Variants in UBL7 observed in about 807,000 individuals in gnomAD.
UBL7 encodes ubiquitin-like protein 7.
In UBL7, 21 loss-of-function variants were observed where a neutral mutation model predicts 41.7. The ratio of observed to expected loss-of-function variants is 0.50; its 90% CI spans 0.36 to 0.73. UBL7 has a LOEUF of 0.73. UBL7 is among the 30% of genes least tolerant of loss of function. The probability of loss-of-function intolerance (pLI) is 0.00; values close to 1 mark genes in which losing one functional copy is unlikely to be tolerated. For synonymous variants in UBL7, 157 were observed against 186.9 expected (o/e 0.84, Z 1.31); for missense variants, 403 against 478.4 (o/e 0.84, Z 1.47).
Position 74,450,081 on chromosome 15 carries a change from G to C in UBL7, c.531-12C>G. ...GAGCAGGCACCAACCTAGGATAGAA[G>C]CAGGAAGAAACCCAAGGGTGACTCC... On this transcript the variant is annotated splice_polypyrimidine_tract_variant and intron_variant, in intron 6 of 10. Coordinates refer to ENST00000395081, the MANE Select transcript of UBL7 (RefSeq NM_032907.5). 6.2e-7 allele frequency: 1 copy of C among 1,608,656 alleles called. No individual in the cohort carries two copies.
rs770815126 is a variant in UBL7, at chr15:74,461,074, G to A, written c.-67C>T. ...ACCAGCTACTTGGCTGACACACATCGAGCCCGCGCTGCCCAGGGCCCCAGC... is the reference window on the plus strand; with the variant it reads ...ACCAGCTACTTGGCTGACACACATCAAGCCCGCGCTGCCCAGGGCCCCAGC... On this transcript the variant is annotated 5_prime_UTR_variant, in exon 1 of 11. Coordinates refer to ENST00000395081, the MANE Select transcript of UBL7 (RefSeq NM_032907.5). 10 of 1,017,806 alleles carry A rather than the reference G, an allele frequency of 9.8e-6. No individual in the cohort carries two copies. The highest frequency in any genetic ancestry group is 1.7e-5 in the African/African-American group (1 of 57,822). The allele number at this position is 1,017,806 out of a possible 1,614,324, so 63.0% of individuals were successfully genotyped here. A position where few individuals can be genotyped will look rare whatever the true frequency, so the allele number is the denominator to read the frequency against.
At chr15:74,453,636 T>TG (rs1303703215) in intron 3 of UBL7, among the ~76,000 whole-genome samples, 1 of 152,204 alleles carries the variant, frequency 6.6e-6, no homozygotes, top group Non-Finnish European at 1.5e-5. Flanking sequence ...GGCTGGAGCT[T>TG]GGGGTACACA....
chr15:74,454,831 T>C (rs2061280321), intron 3 of UBL7, among the ~76,000 whole-genome samples: 1 of 152,152 alleles, frequency 6.6e-6, no homozygotes, highest in South Asian at 2.1e-4. Flanking sequence ...TTAATAACTC[T>C]TACCTAGAAG....
At chr15:74,456,006 A>T (rs941722825) in intron 3 of UBL7, among the ~76,000 whole-genome samples, 1 of 152,098 alleles carries the variant, frequency 6.6e-6, no homozygotes, top group Non-Finnish European at 1.5e-5. Flanking sequence ...GGGCGCCTGT[A>T]GTCCCAGCTA....
chr15:74,450,298 T>C (rs2061231039), intron 6 of UBL7, among the ~76,000 whole-genome samples: 1 of 152,140 alleles, frequency 6.6e-6, no homozygotes, highest in Non-Finnish European at 1.5e-5. Flanking sequence ...CTTCACCCTC[T>C]CCACAGGCAA....
chr15:74,451,479 G>T lies in UBL7; in HGVS notation c.429C>A (p.Ile143=), dbSNP rs781387559. 1 of 1,614,124 alleles carries T rather than the reference G, an allele frequency of 6.2e-7. No individual in the cohort carries two copies. ...MLSNKESLDQ[I]IVATPGLSSD... ...TGCTGAGGCCTGGGGTGGCCACAAT[G>T]ATCTGATCCAGAGACTCCTTATTGC... The change falls in exon 5 of 11, where the codon ATC becomes ATA. Residue 143 remains isoleucine, a synonymous_variant. Transcript: ENST00000395081.
At chr15:74,448,623 TGCCACCCTCAGC>T (rs2061208786) in intron 9 of UBL7, 23 bp from the exon 10 acceptor site, 24 of 1,613,224 alleles carry the variant, frequency 1.5e-5, no homozygotes, top group Non-Finnish European at 2.0e-5. Context: ...TAGTGGTCAG[TGCCACCCTCAGC>T]GCCATCTCAA....
At chr15:74,459,173 C>G (rs534410273) in intron 1 of UBL7, 2 of 313,024 alleles carry the variant, frequency 6.4e-6, no homozygotes, top group Admixed American at 4.6e-5. Flanking sequence ...AACCCTCTCC[C>G]TTCTGTATGC....
intron 10 of UBL7, among the ~76,000 whole-genome samples, chr15:74,447,359 G>A (rs983395557): frequency 6.6e-6 from 1 of 152,208 alleles, no homozygotes; most frequent in African/African-American, 2.4e-5. Context: ...CTACAATGCT[G>A]GCCCCTCAGG....
intron 1 of UBL7, among the ~76,000 whole-genome samples, chr15:74,459,958 A>AAAAAAAAAAAAAAC (rs2061333150): frequency 7.6e-6 from 1 of 131,456 alleles, no homozygotes; most frequent in African/African-American, 3.1e-5. Flanking sequence ...AAAAAAAAAA[A>AAAAAAAAAAAAAAC]AAGCCAGACG....
chr15:74,452,166 T>C, intron 4 of UBL7, 130 bp downstream of exon 4: 2 of 907,658 alleles, frequency 2.2e-6, no homozygotes, highest in Admixed American at 2.4e-5. Context: ...CCCACAGACA[T>C]GGCAAAAACT....
In UBL7 at chr15:74,449,935, C is replaced by T. The variant is rs1365718422; in HGVS notation, c.664+1G>A. ...CCACATTACACTTTTCAGGCGCTCA[C>T]CTGGCATATCCCGGTATGAGCTGGA... On this transcript the variant is annotated splice_donor_variant, in intron 7 of 10. Transcript: ENST00000395081. LOFTEE classifies it high-confidence loss of function. 6.2e-7 allele frequency: 1 copy of T among 1,609,902 alleles called. No homozygotes were observed. The highest frequency in any genetic ancestry group is 1.3e-5 in the African/African-American group (1 of 74,820).
chr15:74,450,910 G>C, intron 5 of UBL7, 51 bp from the exon 6 acceptor site: 1 of 1,600,168 alleles, frequency 6.2e-7, no homozygotes, highest in Non-Finnish European at 8.5e-7. Context: ...CCAGATCCAG[G>C]AGGGAGAAGA....
chr15:74,459,442 G>A (rs987536291), intron 1 of UBL7, among the ~76,000 whole-genome samples: 2 of 151,220 alleles, frequency 1.3e-5, no homozygotes, highest in African/African-American at 4.9e-5. Flanking sequence ...CCAGGTAGCA[G>A]GGACTACAGG....
chr15:74,459,778 C>G (rs1484776494), intron 1 of UBL7, among the ~76,000 whole-genome samples: 1 of 151,486 alleles, frequency 6.6e-6, no homozygotes, highest in African/African-American at 2.4e-5. Context: ...CCAGCCTGGC[C>G]AACATGGTGA....
chr15:74,460,581 A>G, intron 1 of UBL7: 1 of 734,720 alleles, frequency 1.4e-6, no homozygotes, highest in Non-Finnish European at 1.9e-6. Flanking sequence ...AAGGGCTACA[A>G]ATATCTGCTT....
intron 3 of UBL7, among the ~76,000 whole-genome samples, chr15:74,454,361 A>G (rs528283246): frequency 2.6e-4 from 39 of 152,154 alleles, no homozygotes; most frequent in African/African-American, 8.7e-4. Context: ...TGCACACCAC[A>G]GGAAACCGTG....
At chr15:74,451,764 T>C (rs1253191939) in intron 4 of UBL7, among the ~76,000 whole-genome samples, 1 of 151,784 alleles carries the variant, frequency 6.6e-6, no homozygotes, top group Non-Finnish European at 1.5e-5. Flanking sequence ...CTGTGCTCCT[T>C]TTCCCCACCT....
Position 74,449,266 on chromosome 15 carries a change from T to A in UBL7, c.802A>T (p.Thr268Ser). The A allele has an allele frequency of 6.2e-7, 1 of 1,612,518 alleles. No individual in the cohort carries two copies. The highest frequency in any genetic ancestry group is 8.5e-7 in the Non-Finnish European group (1 of 1,179,422). ...YSGAAGPRPI[T>S]QSELATALAL... The stretch of plus-strand genomic sequence containing the variant: ...AAGGCGGTGGCCAGCTCACTCTGGG[T>A]GATGGGCCGGGGCCCAGCAGCTCCA... Residue 268 changes from threonine (T) to serine (S), a missense_variant, in exon 9 of 11, where the codon ACC (threonine) becomes TCC (serine). Coordinates refer to ENST00000395081, the MANE Select transcript of UBL7 (RefSeq NM_032907.5).
Sources: allele counts gnomAD v4.1 joint callset (sites outside exome capture counted in the v4.1 genomes callset), GRCh38; gene constraint gnomAD v4.1.1; transcripts MANE v1.5; gene names NCBI Gene and HGNC (gene_info 2026-07-23, HGNC 2026-07-21).